Variants in DNM3 observed in about 807,000 individuals in gnomAD.
DNM3 encodes dynamin-3.
A neutral mutation model predicts 101.6 loss-of-function variants in DNM3; 47 were observed. The observed-to-expected ratio is 0.46, with a 90% CI of 0.37 to 0.59. DNM3 has a LOEUF of 0.59. Among genes scored for constraint, DNM3 ranks in the 20% least tolerant of loss-of-function variants. The pLI, the probability that DNM3 is intolerant of heterozygous loss-of-function variation, is 0.00. For missense variants in DNM3, 849 were observed against 1,085.7 expected, an observed-to-expected ratio of 0.78 and a Z score of 3.06; for synonymous variants, 385 against 387.9, an observed-to-expected ratio of 0.99 and a Z score of 0.09.
chr1:171,932,056 C>T (rs1208461525), intron 2 of DNM3, among the ~76,000 whole-genome samples: 1 of 112,224 alleles, frequency 8.9e-6, no homozygotes, highest in Non-Finnish European at 1.9e-5. Flanking sequence ...ATCCCCCACC[C>T]TCCCTCCATT....
At chr1:172,271,552 A>G (rs1039174010) in intron 15 of DNM3, among the ~76,000 whole-genome samples, 19 of 152,080 alleles carry the variant, frequency 1.2e-4, no homozygotes, top group Non-Finnish European at 2.5e-4. Context: ...TCAATGATGA[A>G]AACCTGGCCT....
Position 172,312,103 on chromosome 1 carries a change from G to C in DNM3, c.1881+3264G>C, listed in dbSNP as rs548625856. Among the ~76,000 whole-genome samples the C allele has an allele frequency of 1.5e-4, 23 of 152,276 alleles. No homozygotes were observed. In the South Asian group the frequency reaches 4.6e-3, roughly 30 times the overall value. On this transcript the variant is annotated intron_variant, in intron 16 of 20. Coordinates refer to ENST00000627582, the MANE Select transcript of DNM3 (RefSeq NM_015569.5). ...TGTGAACACTCACTTATATTTGGGG[G>C]AAGGAAATTATTTTTAGGTAGTTAT...
intron 13 of DNM3, among the ~76,000 whole-genome samples, chr1:172,111,849 T>C (rs1480849523): frequency 6.6e-6 from 1 of 152,064 alleles, no homozygotes; most frequent in African/African-American, 2.4e-5. Context: ...AATTTAGCCA[T>C]TTAAGGGTTT....
At chr1:172,098,723 A>C (rs1411625445) in intron 13 of DNM3, among the ~76,000 whole-genome samples, 1 of 152,220 alleles carries the variant, frequency 6.6e-6, no homozygotes, top group Admixed American at 6.5e-5. Context: ...GGAACTAATA[A>C]ATGACCATGA....
At chr1:171,860,468 G>A (rs1207819523) in intron 1 of DNM3, among the ~76,000 whole-genome samples, 6 of 152,078 alleles carry the variant, frequency 3.9e-5, no homozygotes, top group Admixed American at 3.9e-4. Context: ...ATATTGAAAG[G>A]ATTATAAGTT....
In DNM3 at chr1:172,242,627, G is replaced by A. The variant is rs184023803; in HGVS notation, c.1660-10946G>A. Among the ~76,000 whole-genome samples the A allele has an allele frequency of 1.0e-3, 158 of 152,244 alleles. 1 individual carries two copies. Among genetic ancestry groups the A allele is most frequent in the African/African-American group, 3.7e-3 (154 of 41,558 alleles). On this transcript the variant is annotated intron_variant, in intron 14 of 20. Coordinates refer to ENST00000627582, the MANE Select transcript of DNM3 (RefSeq NM_015569.5). Reference sequence around the variant, plus strand: ...CTAGTTTTTTAAAAAAAATTTTGGAGAGACATGGTCTCACTATCTTGCCCA... The same window carrying A: ...CTAGTTTTTTAAAAAAAATTTTGGAAAGACATGGTCTCACTATCTTGCCCA...
intron 17 of DNM3, among the ~76,000 whole-genome samples, chr1:172,363,566 C>T (rs912619157): frequency 6.6e-6 from 1 of 151,830 alleles, no homozygotes; most frequent in Non-Finnish European, 1.5e-5. Flanking sequence ...TCAGACTTCA[C>T]ACATAGTTTC....
intron 9 of DNM3, among the ~76,000 whole-genome samples, chr1:172,044,895 C>T (rs559554749): frequency 1.3e-5 from 2 of 152,204 alleles, no homozygotes; most frequent in African/African-American, 4.8e-5. Context: ...ATGGTTTCAA[C>T]AGGCCAGGAG....
In DNM3 at chr1:172,150,298, G is replaced by A. The variant is rs1372369839; in HGVS notation, c.1659+19010G>A. ...GTACTTGGCATATAAATTGGTTCAT[G>A]TTGAAAGGTTATTTACAGGTTGCAA... On this transcript the variant is annotated intron_variant, in intron 14 of 20. Coordinates refer to ENST00000627582, the MANE Select transcript of DNM3 (RefSeq NM_015569.5). Among the ~76,000 whole-genome samples, 5 of 152,090 alleles carry A rather than the reference G, an allele frequency of 3.3e-5. No individual in the cohort carries two copies. The East Asian group carries it at 9.7e-4, about 29-fold the overall frequency.
At chr1:172,047,892 C>T (rs1255927446) in intron 9 of DNM3, among the ~76,000 whole-genome samples, 1 of 152,068 alleles carries the variant, frequency 6.6e-6, no homozygotes, top group Non-Finnish European at 1.5e-5. Flanking sequence ...CAGTCATGGC[C>T]AAGATTCAAA....
intron 17 of DNM3, among the ~76,000 whole-genome samples, chr1:172,341,025 T>C (rs2066662892): frequency 6.6e-6 from 1 of 152,192 alleles, no homozygotes; most frequent in Admixed American, 6.5e-5. Flanking sequence ...CTTGAGCTGA[T>C]AAGCAACTTC....
At chr1:172,107,007 C>T (rs1005205948) in intron 13 of DNM3, among the ~76,000 whole-genome samples, 7 of 149,724 alleles carry the variant, frequency 4.7e-5, no homozygotes, top group African/African-American at 1.7e-4. Flanking sequence ...ACTACAGGCA[C>T]CCGCCACCGC....
intron 17 of DNM3, among the ~76,000 whole-genome samples, chr1:172,372,974 A>G (rs2068422678): frequency 6.6e-6 from 1 of 151,968 alleles, no homozygotes; most frequent in South Asian, 2.1e-4. Flanking sequence ...ACAAGCCACC[A>G]TGGCCTGTGA....
intron 14 of DNM3, among the ~76,000 whole-genome samples, chr1:172,211,697 A>G (rs940390606): frequency 2.6e-5 from 4 of 152,166 alleles, no homozygotes; most frequent in African/African-American, 9.7e-5. Context: ...GATGGGTTAG[A>G]TGAACAGCGA....
At chr1:171,970,246 G>A (rs1046754229) in intron 2 of DNM3, 27 of 504,206 alleles carry the variant, frequency 5.4e-5, no homozygotes, top group Non-Finnish European at 6.4e-5. Context: ...AATAATAAAG[G>A]TAAGACAATA....
chr1:172,186,523 C>T (rs1448497833), intron 14 of DNM3, among the ~76,000 whole-genome samples: 1 of 151,914 alleles, frequency 6.6e-6, no homozygotes, highest in Non-Finnish European at 1.5e-5. Flanking sequence ...TGCTGTCCCC[C>T]CCTTTTGAAG....
At chr1:172,249,320 C>T (rs1169075231) in intron 14 of DNM3, among the ~76,000 whole-genome samples, 2 of 152,154 alleles carry the variant, frequency 1.3e-5, no homozygotes, top group Middle Eastern at 3.2e-3. Flanking sequence ...CCACCTTCTA[C>T]CACCTTGGTT....
intron 13 of DNM3, among the ~76,000 whole-genome samples, chr1:172,103,385 A>C (rs980360498): frequency 6.6e-6 from 1 of 152,342 alleles, no homozygotes; most frequent in Non-Finnish European, 1.5e-5. Context: ...AAATATGTGA[A>C]GTTGACCTCA....
At chr1:172,242,945 T>C (rs1022561670) in intron 14 of DNM3, among the ~76,000 whole-genome samples, 1 of 152,178 alleles carries the variant, frequency 6.6e-6, no homozygotes, top group Non-Finnish European at 1.5e-5. Context: ...TTGTCTCTTC[T>C]CTCTTAGAAA....
Sources: gnomAD v4.1 joint callset for allele counts (sites outside exome capture counted in the v4.1 genomes callset) on GRCh38, gnomAD v4.1.1 for gene constraint, MANE v1.5 for transcripts, NCBI Gene and HGNC (gene_info 2026-07-23, HGNC 2026-07-21) for gene names.